The following CAPN14 variants were observed in gnomAD, a reference collection of about 807,000 sequenced individuals.
The protein encoded by CAPN14 is calpain-14.
In CAPN14, 94 loss-of-function variants were observed where a neutral mutation model predicts 101.3. The ratio of observed to expected loss-of-function variants is 0.93; its 90% CI spans 0.79 to 1.10. The LOEUF is 1.10. Among genes scored for constraint, CAPN14 ranks in the 50% least tolerant of loss-of-function variants. The pLI, the probability that CAPN14 is intolerant of heterozygous loss-of-function variation, is 0.00. For synonymous variants in CAPN14, 338 were observed against 317.9 expected, an observed-to-expected ratio of 1.06 and a Z score of -0.67; for missense variants, 837 against 828.4, an observed-to-expected ratio of 1.01 and a Z score of -0.13.
At chr2:31,213,874 C>T (rs1355336683) in intron 1 of CAPN14, among the ~76,000 whole-genome samples, 2 of 152,162 alleles carry the variant, frequency 1.3e-5, no homozygotes, top group Non-Finnish European at 2.9e-5. Flanking sequence ...CATATCATGA[C>T]CTGTTCATAA....
Position 31,205,443 on chromosome 2 carries a change from G to A in CAPN14, c.5C>T (p.Ser2Phe), listed in dbSNP as rs1458557450. The A allele has an allele frequency of 1.3e-6, 2 of 1,551,520 alleles. No homozygotes were observed. Among genetic ancestry groups the A allele is most frequent in the South Asian group, 2.4e-5 (2 of 84,058 alleles). MSLWPPFRCRWK... is the reference protein window; with the variant it reads MFLWPPFRCRWK... ...TCTGCATCGGAAAGGTGGCCACAGA[G>A]ACATGGCAGGTGGTGGGTACAGTCC... is the stretch of plus-strand genomic sequence containing the variant. Residue 2 changes from serine to phenylalanine, a missense_variant, in exon 2 of 22, where the codon TCT becomes TTT. Physicochemically the swap from Ser to Phe is radical, Grantham distance 155. Transcript: ENST00000403897.
chr2:31,230,265 C>T lies in CAPN14; in HGVS notation c.-177+3526G>A, dbSNP rs933185902. Among the ~76,000 whole-genome samples the T allele has an allele frequency of 6.6e-6, 1 of 152,172 alleles. No homozygotes were observed. The highest frequency in any genetic ancestry group is 1.9e-4 in the East Asian group (1 of 5,202). On this transcript the variant is annotated intron_variant and NMD_transcript_variant, in intron 1 of 21. Transcript: ENST00000398824. The surrounding 1 kb of genome is among the most constrained non-coding windows in gnomAD (Gnocchi z 4.3). ...ATTTATCCATTTACTCGGTGAAGGA[C>T]ATTTAGTTGTTTATAAATTTTTGCT...
Position 31,181,020 on chromosome 2 carries a change from TCCACATGGGGGCTGGCCC to T in CAPN14, c.1646-38_1646-21del. On this transcript the variant is annotated intron_variant, in intron 16 of 21. Transcript: ENST00000403897. ...CCAGACCTGTGAAGGAGCGAAAGAG[TCCACATGGGGGCTGGCCC>T]CAGGTCTGCACACCCCTTTTCTGAG... 8 of 1,550,022 alleles carry T rather than the reference TCCACATGGGGGCTGGCCC, an allele frequency of 5.2e-6. No individual in the cohort carries two copies. Among genetic ancestry groups the T allele is most frequent in the Non-Finnish European group, 7.0e-6 (8 of 1,145,796 alleles).
chr2:31,230,927 C>A lies in CAPN14; in HGVS notation c.-177+2864G>T, dbSNP rs1683172234. ...GGTGATATATATGCAATCTCTATTG[C>A]AACTTCTGTATATGTCAGGCTTCCA... On this transcript the variant is annotated intron_variant and NMD_transcript_variant, in intron 1 of 21. Coordinates refer to the CAPN14 transcript ENST00000398824. The surrounding 1 kb of genome is among the most constrained non-coding windows in gnomAD (Gnocchi z 4.3). Among the ~76,000 whole-genome samples, 1 of 152,174 alleles carries A rather than the reference C, an allele frequency of 6.6e-6. No individual in the cohort carries two copies. Among genetic ancestry groups the A allele is most frequent in the Non-Finnish European group, 1.5e-5 (1 of 68,044 alleles).
chr2:31,217,261 A>T (rs966389871), intron 1 of CAPN14, among the ~76,000 whole-genome samples, 195 bp downstream of exon 1: 10 of 152,162 alleles, frequency 6.6e-5, no homozygotes, highest in Non-Finnish European at 1.3e-4. Flanking sequence ...TCAAGGTCAC[A>T]CTAATAAGTG....
chr2:31,232,696 T>C (rs1299752515), intron 1 of CAPN14, among the ~76,000 whole-genome samples: 2 of 152,192 alleles, frequency 1.3e-5, no homozygotes, highest in Non-Finnish European at 2.9e-5. Flanking sequence ...TGAATGAAAC[T>C]GTCCCTATGA....
At chr2:31,205,028 A>T (rs979500475) in intron 2 of CAPN14, among the ~76,000 whole-genome samples, 195 bp downstream of exon 2, 2 of 152,184 alleles carry the variant, frequency 1.3e-5, no homozygotes, top group African/African-American at 2.4e-5. Context: ...GAATACCCAG[A>T]TGGTGGCCAC....
rs376666743 is a variant in CAPN14 at position 31,193,080 on chromosome 2, C to T, written c.1114+51G>A. 241 of 1,497,592 alleles carry T rather than the reference C, an allele frequency of 1.6e-4. 3 individuals are homozygous for T. The South Asian group carries it at 3.0e-3, about 18-fold the overall frequency. The allele number at this position is 1,497,592 out of a possible 1,614,324, so 92.8% of individuals were successfully genotyped here. ...AACCCCCTGTGCAGTCATTCTGACA[C>T]CCCCGCCCACAACCTCACCCTGAGA... On this transcript the variant is annotated intron_variant, in intron 10 of 21. Transcript: ENST00000403897.
intron 1 of CAPN14, among the ~76,000 whole-genome samples, chr2:31,210,550 T>C (rs1033117833): frequency 3.3e-5 from 5 of 152,228 alleles, no homozygotes; most frequent in African/African-American, 1.2e-4. Context: ...GTCAGGAGAA[T>C]TAGTTTTCAC....
Position 31,173,877 on chromosome 2 carries a change from T to C in CAPN14, c.*804A>G, listed in dbSNP as rs2148667761. 1 of 152,300 alleles carries C rather than the reference T, an allele frequency of 6.6e-6. No homozygotes were observed. Among genetic ancestry groups the C allele is most frequent in the Admixed American group, 6.5e-5 (1 of 15,306 alleles). The allele number at this position is 152,300 out of a possible 1,614,324, so 9.4% of individuals were successfully genotyped here. On this transcript the variant is annotated 3_prime_UTR_variant, in exon 22 of 22. Coordinates refer to ENST00000403897, the MANE Select transcript of CAPN14 (RefSeq NM_001145122.2). ...ACCAACCACCCACTGATTGACTCTA[T>C]AATTTAGCATGGGTTTGTTTTTGTC...
intron 1 of CAPN14, among the ~76,000 whole-genome samples, chr2:31,213,234 A>C (rs1208173224): frequency 6.6e-6 from 1 of 152,118 alleles, no homozygotes; most frequent in Non-Finnish European, 1.5e-5. Flanking sequence ...TGGCTTCCTC[A>C]CCCTCAATAT....
intron 11 of CAPN14, among the ~76,000 whole-genome samples, chr2:31,191,625 C>T (rs58124577): frequency 0.17 from 25,814 of 152,130 alleles, 3,117 homozygotes; most frequent in African/African-American, 0.35. Flanking sequence ...GGAAAGAATG[C>T]TTGGCTTTTG....
chr2:31,233,325 C>T (rs1337172181), intron 1 of CAPN14, among the ~76,000 whole-genome samples: 3 of 152,188 alleles, frequency 2.0e-5, no homozygotes, highest in Admixed American at 6.5e-5. Context: ...ACACCAAGTT[C>T]CTCAAGCCTT....
intron 1 of CAPN14, among the ~76,000 whole-genome samples, chr2:31,210,317 A>G (rs992264741): frequency 3.3e-5 from 5 of 151,686 alleles, no homozygotes; most frequent in Non-Finnish European, 7.4e-5. Context: ...GCGTGGTGGC[A>G]GGTGCCTGTA....
chr2:31,219,478 G>T (rs1215766546), upstream of CAPN14, among the ~76,000 whole-genome samples: 2 of 152,212 alleles, frequency 1.3e-5, no homozygotes, highest in Non-Finnish European at 2.9e-5. Context: ...AGTGGGCTGT[G>T]GACCAGAAGT....
intron 1 of CAPN14, among the ~76,000 whole-genome samples, chr2:31,206,495 T>C (rs570144165): frequency 9.2e-5 from 14 of 152,314 alleles, no homozygotes; most frequent in African/African-American, 3.1e-4. Flanking sequence ...TCAAGTGATC[T>C]ACCCGCCTTG....
At chr2:31,221,860 T>C (rs994679138), upstream of CAPN14, among the ~76,000 whole-genome samples, 1 of 152,168 alleles carries the variant, frequency 6.6e-6, no homozygotes, top group Non-Finnish European at 1.5e-5. Context: ...CAAAGTGCCT[T>C]GAAGTCAGCA....
intron 1 of CAPN14, among the ~76,000 whole-genome samples, chr2:31,210,372 C>T (rs1482062574): frequency 6.6e-6 from 1 of 152,114 alleles, no homozygotes; most frequent in Admixed American, 6.5e-5. Context: ...GGTGTGAACC[C>T]GGGAGGCGGA....
Position 31,193,229 on chromosome 2 carries a change from A to G in CAPN14, c.1016T>C (p.Leu339Pro). Reference sequence around the variant, plus strand: ...CTTCTGGGCCGCCTCCTGGCTCAACAGGCCTGGGGTCAGTTTACAGATAAC... The same window carrying G: ...CTTCTGGGCCGCCTCCTGGCTCAACGGGCCTGGGGTCAGTTTACAGATAAC... Reference protein sequence around the residue: ...LLVICKLTPGLLSQEAAQKWT... With the variant: ...LLVICKLTPGPLSQEAAQKWT... The change falls in exon 10 of 22, where the codon CTG (leucine) becomes CCG (proline). Residue 339 changes from leucine (L) to proline (P), a missense_variant. Physicochemically the swap from Leu to Pro is moderately conservative, Grantham distance 98. Coordinates refer to ENST00000403897, the MANE Select transcript of CAPN14 (RefSeq NM_001145122.2). 6.4e-7 allele frequency: 1 copy of G among 1,551,698 alleles called. No individual in the cohort carries two copies. Among genetic ancestry groups the G allele is most frequent in the Non-Finnish European group, 8.7e-7 (1 of 1,147,004 alleles).
Sources: gnomAD v4.1 joint callset for allele counts (sites outside exome capture counted in the v4.1 genomes callset) on GRCh38, gnomAD v4.1.1 for gene constraint, Gnocchi (gnomAD v3.1) non-coding constraint, MANE v1.5 for transcripts, NCBI Gene and HGNC (gene_info 2026-07-23, HGNC 2026-07-21) for gene names.